The following ZSCAN18 variants were observed in gnomAD, a reference collection of about 807,000 sequenced individuals.
ZSCAN18 encodes the protein zinc finger and SCAN domain-containing protein 18.
In ZSCAN18, 16 loss-of-function variants were observed where a neutral mutation model predicts 31.1. That is an observed-to-expected ratio of 0.51 (90% CI 0.35 to 0.78). The LOEUF (loss-of-function observed/expected upper bound fraction) is 0.78, where lower values mean the gene tolerates loss of function less well. Ranked by LOEUF, ZSCAN18 falls within the 30% of genes least tolerant of loss-of-function variation. The pLI, the probability that ZSCAN18 is intolerant of heterozygous loss-of-function variation, is 0.01. For missense variants in ZSCAN18, 731 were observed against 697.4 expected, an observed-to-expected ratio of 1.05 and a Z score of -0.54; for synonymous variants, 375 against 320.7, an observed-to-expected ratio of 1.17 and a Z score of -1.81.
chr19:58,084,629 C>A lies in ZSCAN18; in HGVS notation c.*56G>T. On this transcript the variant is annotated 3_prime_UTR_variant, in exon 7 of 7. Transcript: ENST00000601144. The surrounding 1 kb of genome is among the most constrained non-coding windows in gnomAD (Gnocchi z 4.5). ...AGGGGCGTGGAAAGGCCCAATGCCT[C>A]GTCTGGGATTCACGGCCGGCAAAGC... The A allele has an allele frequency of 7.1e-7, 1 of 1,414,962 alleles. No homozygotes were observed. Among genetic ancestry groups the A allele is most frequent in the Non-Finnish European group, 9.2e-7 (1 of 1,083,554 alleles). 87.7% of individuals were successfully genotyped at this position (1,414,962 alleles called of 1,614,324 possible).
intron 1 of ZSCAN18, chr19:58,097,924 C>CCCTA (rs2074552167): frequency 1.0e-6 from 1 of 983,534 alleles, no homozygotes; most frequent in Non-Finnish European, 1.2e-6. Context: ...TGCACTAGTT[C>CCCTA]CCTACCTGCC....
At position 58,084,862 on chromosome 19, in the gene ZSCAN18, G is replaced by A. The variant is rs1390987748; in HGVS notation, c.1356C>T (p.Phe452=). The change falls in exon 7 of 7, where the codon TTC becomes TTT. Residue 452 remains phenylalanine, a synonymous_variant. Coordinates refer to ENST00000601144, the MANE Select transcript of ZSCAN18 (RefSeq NM_001145543.2). This position sits in a 1 kb window ranked among gnomAD's most constrained non-coding sequence, Gnocchi z 4.5. The part of the protein sequence containing the change: ...ACQGCWKTFH[F]SLALAEHQKT... Reference sequence around the variant, plus strand: ...TCTGGTGCTCGGCTAGGGCCAGGCTGAAGTGGAAGGTCTTCCAGCAGCCCT... The same window carrying A: ...TCTGGTGCTCGGCTAGGGCCAGGCTAAAGTGGAAGGTCTTCCAGCAGCCCT... The A allele has an allele frequency of 3.1e-6, 5 of 1,600,334 alleles. No individual in the cohort carries two copies. Among genetic ancestry groups the A allele is most frequent in the Middle Eastern group, 1.6e-4 (1 of 6,070 alleles).
intron 1 of ZSCAN18, among the ~76,000 whole-genome samples, chr19:58,103,848 G>A (rs1568642464): frequency 6.6e-6 from 1 of 152,164 alleles, no homozygotes; most frequent in Non-Finnish European, 1.5e-5. Context: ...CAGCCAAATT[G>A]TGATGGCCAA....
At chr19:58,103,746 A>C (rs2074612532) in intron 1 of ZSCAN18, among the ~76,000 whole-genome samples, 1 of 152,164 alleles carries the variant, frequency 6.6e-6, no homozygotes, top group African/African-American at 2.4e-5. Context: ...GCAGAGTCAG[A>C]CCTCTAACTT....
At chr19:58,107,360 C>A (rs2074642686) in intron 1 of ZSCAN18, among the ~76,000 whole-genome samples, 2 of 151,770 alleles carry the variant, frequency 1.3e-5, no homozygotes, top group Non-Finnish European at 2.9e-5. Flanking sequence ...AGTTCAAGAC[C>A]AGCCTGACCA....
chr19:58,108,537 A>T (rs558004864), intron 1 of ZSCAN18: 1 of 985,942 alleles, frequency 1.0e-6, no homozygotes, highest in African/African-American at 1.7e-5. Flanking sequence ...GGATTTTTTG[A>T]TGTACAATCA....
At chr19:58,102,191 G>T (rs2074599632), upstream of ZSCAN18, among the ~76,000 whole-genome samples, 1 of 152,150 alleles carries the variant, frequency 6.6e-6, no homozygotes, top group Non-Finnish European at 1.5e-5. Context: ...GGGCGCAGTG[G>T]TTCACGCCTG....
chr19:58,108,734 C>T, intron 1 of ZSCAN18: 5 of 985,576 alleles, frequency 5.1e-6, no homozygotes, highest in Non-Finnish European at 6.0e-6. Flanking sequence ...CTATCAAACA[C>T]CTCCTCGTGT....
At chr19:58,086,323 G>C in intron 5 of ZSCAN18, 57 bp from the exon 6 acceptor site, 1 of 1,521,094 alleles carries the variant, frequency 6.6e-7, no homozygotes, top group Non-Finnish European at 9.1e-7. Flanking sequence ...TGGCTGATGG[G>C]TGTTGTGTGT....
At chr19:58,112,950 CAAAAAAA>C (rs55721042) in intron 1 of ZSCAN18, among the ~76,000 whole-genome samples, 3 of 69,492 alleles carry the variant, frequency 4.3e-5, no homozygotes, top group African/African-American at 5.7e-5. Flanking sequence ...GGCTCCGTTT[CAAAAAAA>C]AAAAAAAAAA....
Position 58,088,868 on chromosome 19 carries a change from A to G in ZSCAN18, c.404-31T>C. 3 of 1,597,302 alleles carry G rather than the reference A, an allele frequency of 1.9e-6. No homozygotes were observed. The South Asian group carries it at 3.3e-5, about 18-fold the overall frequency. ...AACAGTGGAGGGACCTGTGACCCCA[A>G]GAGGTCAGGACACGTGCCAACAACA... On this transcript the variant is annotated intron_variant, in intron 2 of 6. Coordinates refer to ENST00000601144, the MANE Select transcript of ZSCAN18 (RefSeq NM_001145543.2).
At chr19:58,088,563 A>T (rs1427207115) in intron 3 of ZSCAN18, 125 bp downstream of exon 3, 2 of 924,372 alleles carry the variant, frequency 2.2e-6, no homozygotes, top group East Asian at 2.5e-5. Flanking sequence ...GGAAGTCCCA[A>T]TGATAGCATG....
At chr19:58,086,080 T>G in intron 6 of ZSCAN18, 94 bp downstream of exon 6, 1 of 1,050,830 alleles carries the variant, frequency 9.5e-7, no homozygotes, top group Non-Finnish European at 1.5e-6. Flanking sequence ...GCTGAGGTCT[T>G]TGCTGGGGCT....
At chr19:58,104,715 TAAAATA>T (rs1232120935) in intron 1 of ZSCAN18, among the ~76,000 whole-genome samples, 62 of 130,630 alleles carry the variant, frequency 4.7e-4, no homozygotes, top group African/African-American at 1.9e-3. Flanking sequence ...TAAAATAAAA[TAAAATA>T]AAATAAAATA....
chr19:58,109,270 A>C, intron 1 of ZSCAN18: 13 of 1,231,714 alleles, frequency 1.1e-5, no homozygotes, highest in Non-Finnish European at 1.2e-5. Context: ...CACCATCCCA[A>C]GTTGATGCTT....
chr19:58,101,706 G>A (rs2074596129), upstream of ZSCAN18, among the ~76,000 whole-genome samples: 1 of 151,520 alleles, frequency 6.6e-6, no homozygotes, highest in African/African-American at 2.4e-5. Context: ...TTTTAGTAGA[G>A]ACGGGGTTTC....
chr19:58,085,478 C>T (rs563209966), intron 6 of ZSCAN18, 99 bp from the exon 7 acceptor site: 12 of 1,119,040 alleles, frequency 1.1e-5, no homozygotes, highest in Admixed American at 2.9e-5. Context: ...CACAGGGCTC[C>T]GGGCTCTGGA....
At chr19:58,109,678 G>A (rs1259970554) in intron 1 of ZSCAN18, among the ~76,000 whole-genome samples, 1 of 152,126 alleles carries the variant, frequency 6.6e-6, no homozygotes, top group Non-Finnish European at 1.5e-5. Context: ...TATACTGAAA[G>A]TGCACAGTAT....
At chr19:58,110,867 A>G (rs994270556) in intron 1 of ZSCAN18, among the ~76,000 whole-genome samples, 2 of 152,200 alleles carry the variant, frequency 1.3e-5, no homozygotes, top group Admixed American at 6.5e-5. Context: ...AATCCATGAT[A>G]TAAAACATAC....
Sources: gnomAD v4.1 joint callset for allele counts (sites outside exome capture counted in the v4.1 genomes callset) on GRCh38, gnomAD v4.1.1 for gene constraint, Gnocchi (gnomAD v3.1) non-coding constraint, MANE v1.5 for transcripts, NCBI Gene and HGNC (gene_info 2026-07-23, HGNC 2026-07-21) for gene names.